DDX42: variants seen among roughly 807,000 people sequenced by gnomAD.
DDX42 encodes the protein DEAD-box helicase 42.
Under a neutral mutation model 101.5 loss-of-function variants are expected in DDX42, and 22 were observed. The ratio of observed to expected loss-of-function variants is 0.22; its 90% CI spans 0.15 to 0.31. DDX42 has a LOEUF of 0.31. Ranked by LOEUF, DDX42 falls within the 10% of genes least tolerant of loss-of-function variation. The pLI, the probability that DDX42 is intolerant of heterozygous loss-of-function variation, is 1.00. For synonymous variants in DDX42, 402 were observed against 401.2 expected (o/e 1.00, Z -0.02); for missense variants, 849 against 1,199.9 (o/e 0.71, Z 4.32).
chr17:63,785,160 G>A (rs1415841021), intron 1 of DDX42, among the ~76,000 whole-genome samples: 1 of 152,096 alleles, frequency 6.6e-6, no homozygotes, highest in Non-Finnish European at 1.5e-5. Context: ...ACTTAGGTAA[G>A]TTGTATCATT....
At chr17:63,783,699 A>G (rs547217239) in intron 1 of DDX42, among the ~76,000 whole-genome samples, 5 of 152,302 alleles carry the variant, frequency 3.3e-5, no homozygotes, top group Admixed American at 2.6e-4. Context: ...AGGAAGTCCA[A>G]AATGAGTAAA....
At chr17:63,804,360 C>G (rs1450022117) in intron 6 of DDX42, among the ~76,000 whole-genome samples, 1 of 152,048 alleles carries the variant, frequency 6.6e-6, no homozygotes, top group African/African-American at 2.4e-5. Flanking sequence ...ACCTACTACA[C>G]TAAGCTATGA....
chr17:63,784,796 C>T (rs577360260), intron 1 of DDX42, among the ~76,000 whole-genome samples: 2 of 151,596 alleles, frequency 1.3e-5, no homozygotes, highest in Admixed American at 6.6e-5. Context: ...TTTTTTAACT[C>T]AGAATGCATT....
rs117181531 is a variant in DDX42 at position 63,817,842 on chromosome 17, G to T, written c.2261G>T (p.Ser754Ile). The change falls in exon 18 of 18, where the codon AGC (serine) becomes ATC (isoleucine). Residue 754 changes from serine (S) to isoleucine (I), a missense_variant. This residue lies in a region of DDX42 where 300 missense variants were observed against 304.9 expected (regional missense o/e 0.98). Transcript: ENST00000389924. Reference protein sequence around the residue: ...SAQQGHNSPDSPVTSAAKGIP... With the variant: ...SAQQGHNSPDIPVTSAAKGIP... ...CAACAGGGCCATAACAGTCCTGACA[G>T]CCCCGTCACCAGTGCCGCCAAGGGC... The T allele has an allele frequency of 2.0e-3, 3,195 of 1,614,180 alleles. 5 individuals are homozygous for T. The highest frequency in any genetic ancestry group is 2.5e-3 in the Non-Finnish European group (2,899 of 1,180,034).
rs1459904494 is a variant in DDX42, at chr17:63,818,642, TGTGG to T, written c.*247_*250del. ...TCTTTTGGCTCTAGGTGAGTTGTCA[TGTGG>T]GTAAGTTGAGGTTATCTTGGGATAA... On this transcript the variant is annotated 3_prime_UTR_variant, in exon 18 of 18. Coordinates refer to ENST00000389924, the MANE Select transcript of DDX42 (RefSeq NM_203499.3). 4.1e-6 allele frequency: 2 copies of T among 486,362 alleles called. No individual in the cohort carries two copies. Among genetic ancestry groups the T allele is most frequent in the African/African-American group, 3.8e-5 (2 of 52,148 alleles). The allele number at this position is 486,362 out of a possible 1,614,324, so 30.1% of individuals were successfully genotyped here.
intron 17 of DDX42, 88 bp downstream of exon 17, chr17:63,817,054 G>A: frequency 8.8e-7 from 1 of 1,131,918 alleles, no homozygotes; most frequent in Non-Finnish European, 1.3e-6. Context: ...TTGTAGCTGG[G>A]CGCCTAGGCT....
At chr17:63,805,277 G>A (rs1488760679) in intron 7 of DDX42, 102 bp downstream of exon 7, 1 of 1,407,882 alleles carries the variant, frequency 7.1e-7, no homozygotes, top group East Asian at 2.5e-5. Context: ...CTTTTCTAAT[G>A]GTCTCTGAAC....
Position 63,817,925 on chromosome 17 carries a change from G to A in DDX42, c.2344G>A (p.Ala782Thr). ...ISGAPVTYPS[A>T]GAQGVNNTAS... Reference sequence around the variant, plus strand: ...TGGTGCCCCTGTGACCTACCCGTCTGCCGGAGCCCAAGGAGTCAACAACAC... The same window carrying A: ...TGGTGCCCCTGTGACCTACCCGTCTACCGGAGCCCAAGGAGTCAACAACAC... Residue 782 changes from alanine to threonine, a missense_variant, in exon 18 of 18, where the codon GCC becomes ACC. By Grantham distance (58) the Ala-to-Thr change is moderately conservative. Transcript: ENST00000389924. The A allele has an allele frequency of 6.2e-7, 1 of 1,614,196 alleles. No individual in the cohort carries two copies.
At chr17:63,796,030 G>T (rs2039688719) in intron 3 of DDX42, among the ~76,000 whole-genome samples, 1 of 152,176 alleles carries the variant, frequency 6.6e-6, no homozygotes, top group African/African-American at 2.4e-5. Context: ...TATGTTAAGT[G>T]ATTTACCCTA....
At chr17:63,809,901 C>G (rs1410524627) in intron 11 of DDX42, among the ~76,000 whole-genome samples, 2 of 152,088 alleles carry the variant, frequency 1.3e-5, no homozygotes, top group Admixed American at 1.3e-4. Flanking sequence ...TTTTCTCTGT[C>G]TTCATTTTTA....
intron 2 of DDX42, among the ~76,000 whole-genome samples, chr17:63,789,565 G>T (rs151133872): frequency 0.26 from 9,276 of 35,698 alleles, 2,029 homozygotes; most frequent in African/African-American, 0.46. Flanking sequence ...TTTTGTTTTT[G>T]TTTTTGTTTT....
rs772549186 is a variant in DDX42 at position 63,811,927 on chromosome 17, C to T, written c.1399-5C>T. ...CAATCATCTGTTTCATTTCTTCCTT[C>T]TCAGGCAAATGAAGATGTGACACAG... is the stretch of plus-strand genomic sequence containing the variant. On this transcript the variant is annotated splice_region_variant and splice_polypyrimidine_tract_variant and intron_variant, in intron 13 of 17. Coordinates refer to ENST00000389924, the MANE Select transcript of DDX42 (RefSeq NM_203499.3). 6.2e-7 allele frequency: 1 copy of T among 1,614,218 alleles called. No homozygotes were observed. Among genetic ancestry groups the T allele is most frequent in the East Asian group, 2.2e-5 (1 of 44,890 alleles).
Position 63,813,277 on chromosome 17 carries a change from G to T in DDX42, c.1725G>T (p.Val575=). Reference sequence around the variant, plus strand: ...TTAAGACTGTCATTAACTATGATGTGGCACGAGACATTGATACCCACACGC... The same window carrying T: ...TTAAGACTGTCATTAACTATGATGTTGCACGAGACATTGATACCCACACGC... ...PSIKTVINYD[V]ARDIDTHTHR... is the part of the protein sequence containing the mutation. The change falls in exon 15 of 18, where the codon GTG becomes GTT. Residue 575 remains valine (V), a synonymous_variant. Transcript: ENST00000389924. 6.2e-7 allele frequency: 1 copy of T among 1,613,946 alleles called. No homozygotes were observed. Among genetic ancestry groups the T allele is most frequent in the Non-Finnish European group, 8.5e-7 (1 of 1,179,842 alleles).
chr17:63,817,217 G>T, intron 17 of DDX42: 1 of 470,984 alleles, frequency 2.1e-6, no homozygotes, highest in South Asian at 2.7e-5. Flanking sequence ...GCAGCAGGGT[G>T]TGTGTTCCCT....
chr17:63,806,727 A>C, intron 8 of DDX42, 73 bp downstream of exon 8: 1 of 1,480,306 alleles, frequency 6.8e-7, no homozygotes, highest in Non-Finnish European at 9.1e-7. Flanking sequence ...AAAACAAATC[A>C]CAGCAGTAAA....
intron 13 of DDX42, 92 bp from the exon 14 acceptor site, chr17:63,811,840 C>A: frequency 6.7e-7 from 1 of 1,496,796 alleles, no homozygotes; most frequent in Non-Finnish European, 9.0e-7. Flanking sequence ...TCAAGGTCTT[C>A]TCGATGCAGG....
chr17:63,806,637 A>T lies in DDX42; in HGVS notation c.829A>T (p.Thr277Ser). Residue 277 changes from threonine to serine, a missense_variant, in exon 8 of 18, where the codon ACT becomes TCT. By Grantham distance (58) the Thr-to-Ser change is moderately conservative (BLOSUM62 1). Around this residue, in one of 5 missense-constraint regions of DDX42, gnomAD observed 370 missense variants for 608.8 expected, o/e 0.61. Transcript: ENST00000389924. ...QIRKSEYTQP[T>S]PIQCQGVPVA... Reference sequence around the variant, plus strand: ...TCGGAAATCTGAATACACACAGCCCACTCCAATACAGTGCCAGGTAAGTAA... The same window carrying T: ...TCGGAAATCTGAATACACACAGCCCTCTCCAATACAGTGCCAGGTAAGTAA... The T allele has an allele frequency of 6.2e-7, 1 of 1,610,958 alleles. No homozygotes were observed.
chr17:63,810,805 A>T (rs955866005), intron 12 of DDX42, among the ~76,000 whole-genome samples: 18 of 152,228 alleles, frequency 1.2e-4, no homozygotes, highest in African/African-American at 4.3e-4. Flanking sequence ...ATACAGTTTT[A>T]TCAGTGGGTA....
intron 13 of DDX42, 113 bp downstream of exon 13, chr17:63,811,286 T>C: frequency 2.5e-6 from 2 of 790,182 alleles, no homozygotes; most frequent in Middle Eastern, 2.5e-4. Context: ...TGTTTATAGA[T>C]GCAACATGCT....
Sources: allele counts gnomAD v4.1 joint callset (sites outside exome capture counted in the v4.1 genomes callset), GRCh38; gene constraint gnomAD v4.1.1; regional missense constraint gnomAD v4.1.1; transcripts MANE v1.5; gene names NCBI Gene and HGNC (gene_info 2026-07-23, HGNC 2026-07-21).